LURAP1: variants seen among roughly 807,000 people sequenced by gnomAD.
The protein encoded by LURAP1 is leucine rich adaptor protein 1.
LURAP1 carries 14 observed loss-of-function variants against 19.0 expected under a neutral mutation model. The ratio of observed to expected loss-of-function variants is 0.74; its 90% confidence interval spans 0.49 to 1.15. The LOEUF is 1.15. Among genes scored for constraint, LURAP1 ranks in the 50% most tolerant of loss-of-function variants. LURAP1 has a pLI of 0.00. For synonymous variants in LURAP1, 129 were observed against 131.8 expected (o/e 0.98, Z 0.14); for missense variants, 273 against 309.1 (o/e 0.88, Z 0.87).
In LURAP1 at chr1:46,220,432, C is replaced by A; in HGVS notation, c.*212C>A. 1.8e-6 allele frequency: 1 copy of A among 555,020 alleles called. No individual in the cohort carries two copies. Among genetic ancestry groups the A allele is most frequent in the Non-Finnish European group, 3.1e-6 (1 of 319,168 alleles). The allele number at this position is 555,020 out of a possible 1,614,324, so 34.4% of individuals were successfully genotyped here. The stretch of plus-strand genomic sequence containing the variant: ...CCTAGAGCTAGCTTGCTCTTTCTTT[C>A]TTTCTTTCTTTTTTTGAGACAGGGT... On this transcript the variant is annotated 3_prime_UTR_variant, in exon 2 of 2. Coordinates refer to ENST00000371980, the MANE Select transcript of LURAP1 (RefSeq NM_001013615.3).
At chr1:46,209,567 T>G (rs1286235533) in intron 1 of LURAP1, among the ~76,000 whole-genome samples, 1 of 142,000 alleles carries the variant, frequency 7.0e-6, no homozygotes, top group African/African-American at 2.6e-5. Flanking sequence ...TTTTTTGAGA[T>G]GGAGTCTCGC....
At chr1:46,214,610 G>A (rs533039287) in intron 1 of LURAP1, among the ~76,000 whole-genome samples, 1 of 152,278 alleles carries the variant, frequency 6.6e-6, no homozygotes, top group South Asian at 2.1e-4. Context: ...GCTCATGCCT[G>A]TAATCCCAGC....
intron 1 of LURAP1, among the ~76,000 whole-genome samples, chr1:46,214,314 C>G: frequency 6.6e-6 from 1 of 150,604 alleles, no homozygotes; most frequent in East Asian, 2.0e-4. Context: ...CCACTGCACT[C>G]CAGCCTGGGT....
intron 1 of LURAP1, among the ~76,000 whole-genome samples, chr1:46,212,929 T>A (rs1255615010): frequency 1.3e-5 from 2 of 148,914 alleles, no homozygotes; most frequent in Non-Finnish European, 3.0e-5. Flanking sequence ...CTGGCAAAAA[T>A]TTTTTTTGTA....
rs1455418443 is a variant in LURAP1, at chr1:46,216,250, G to A, written c.199-3449G>A. Among the ~76,000 whole-genome samples, 3 of 152,032 alleles carry A rather than the reference G, an allele frequency of 2.0e-5. No homozygotes were observed. In the East Asian group the frequency reaches 5.8e-4, roughly 30 times the overall value. ...TTTAGTAGAGACGGGGTTTCACCGTGTTAGCCAGGATGGTCTCTATCTCCT... is the reference window on the plus strand; with the variant it reads ...TTTAGTAGAGACGGGGTTTCACCGTATTAGCCAGGATGGTCTCTATCTCCT... On this transcript the variant is annotated intron_variant, in intron 1 of 1. Coordinates refer to ENST00000371980, the MANE Select transcript of LURAP1 (RefSeq NM_001013615.3).
chr1:46,209,025 A>G (rs1658809620), intron 1 of LURAP1, among the ~76,000 whole-genome samples: 1 of 151,992 alleles, frequency 6.6e-6, no homozygotes, highest in Non-Finnish European at 1.5e-5. Flanking sequence ...GAAAAGCAAC[A>G]CTTTTTTATT....
chr1:46,219,955 C>A lies in LURAP1; in HGVS notation c.455C>A (p.Ala152Asp). ...VSIGSFLDTV[A>D]PSELDEQGPP... ...ATTGGCAGCTTCCTGGACACAGTGG[C>A]CCCCAGCGAGCTGGATGAACAGGGC... Residue 152 changes from alanine (A) to aspartate (D), a missense_variant, in exon 2 of 2, where the codon GCC (alanine) becomes GAC (aspartate). Coordinates refer to ENST00000371980, the MANE Select transcript of LURAP1 (RefSeq NM_001013615.3). The A allele has an allele frequency of 6.2e-7, 1 of 1,614,228 alleles. No individual in the cohort carries two copies. The highest frequency in any genetic ancestry group is 8.5e-7 in the Non-Finnish European group (1 of 1,180,034).
chr1:46,220,338 A>G lies in LURAP1; in HGVS notation c.*118A>G. On this transcript the variant is annotated 3_prime_UTR_variant, in exon 2 of 2. Transcript: ENST00000371980. ...AGAGGCTGCACTGAAATCAGTTACC[A>G]TGGAAACCTGGCTCATCATTTCTCT... 2 of 1,119,408 alleles carry G rather than the reference A, an allele frequency of 1.8e-6. No individual in the cohort carries two copies. The highest frequency in any genetic ancestry group is 2.5e-6 in the Non-Finnish European group (2 of 793,162). 69.3% of individuals were successfully genotyped at this position (1,119,408 alleles called of 1,614,324 possible).
intron 1 of LURAP1, among the ~76,000 whole-genome samples, chr1:46,209,549 CT>C (rs397745964): frequency 6.4e-4 from 82 of 127,540 alleles, no homozygotes; most frequent in African/African-American, 1.1e-3. Context: ...TTTTTTTTTT[CT>C]TTTTTTTTTT....
rs191755815 is a variant in LURAP1, at chr1:46,219,963, G to A, written c.463G>A (p.Glu155Lys). Residue 155 changes from glutamate (E) to lysine (K), a missense_variant, in exon 2 of 2, where the codon GAG becomes AAG. Coordinates refer to ENST00000371980, the MANE Select transcript of LURAP1 (RefSeq NM_001013615.3). The part of the protein sequence containing the change: ...GSFLDTVAPS[E>K]LDEQGPPGAP... ...CTTCCTGGACACAGTGGCCCCCAGC[G>A]AGCTGGATGAACAGGGCCCACCTGG... 39 of 1,614,252 alleles carry A rather than the reference G, an allele frequency of 2.4e-5. No individual in the cohort carries two copies. The highest frequency in any genetic ancestry group is 1.7e-4 in the Admixed American group (10 of 60,028).
At chr1:46,210,030 G>A (rs1658844383) in intron 1 of LURAP1, among the ~76,000 whole-genome samples, 2 of 152,120 alleles carry the variant, frequency 1.3e-5, no homozygotes, top group African/African-American at 4.8e-5. Context: ...CAAGTTAATA[G>A]TCTGTACAGT....
At chr1:46,207,314 C>T (rs1397917804) in intron 1 of LURAP1, among the ~76,000 whole-genome samples, 3 of 152,086 alleles carry the variant, frequency 2.0e-5, no homozygotes, top group Non-Finnish European at 4.4e-5. Context: ...GTCCTGACCT[C>T]AAGTGATCTT....
intron 1 of LURAP1, among the ~76,000 whole-genome samples, chr1:46,207,084 A>G (rs1476513020): frequency 6.9e-6 from 1 of 143,960 alleles, no homozygotes; most frequent in Non-Finnish European, 1.5e-5. Flanking sequence ...GAGTCCTTCT[A>G]TTTTTTTTTT....
intron 1 of LURAP1, among the ~76,000 whole-genome samples, chr1:46,206,906 A>G (rs931253770): frequency 1.3e-5 from 2 of 152,164 alleles, no homozygotes; most frequent in African/African-American, 4.8e-5. Context: ...GAACATTTCT[A>G]GTACAGGATG....
intron 1 of LURAP1, among the ~76,000 whole-genome samples, chr1:46,211,080 C>T (rs769959111): frequency 6.6e-6 from 1 of 151,960 alleles, no homozygotes; most frequent in Non-Finnish European, 1.5e-5. Context: ...GTGCCTGGTC[C>T]TTTGGGCCTT....
intron 1 of LURAP1, 108 bp from the exon 2 acceptor site, chr1:46,219,591 G>A (rs1365618229): frequency 7.3e-6 from 9 of 1,235,768 alleles, no homozygotes; most frequent in Admixed American, 4.6e-5. Context: ...AATTCCATCC[G>A]TCTTAAAGTG....
At chr1:46,212,207 T>C (rs1557685069) in intron 1 of LURAP1, among the ~76,000 whole-genome samples, 1 of 152,204 alleles carries the variant, frequency 6.6e-6, no homozygotes, top group Non-Finnish European at 1.5e-5. Context: ...CTGACCTGTA[T>C]ATGTAAATAC....
chr1:46,206,956 GTC>G (rs1316853906), intron 1 of LURAP1, among the ~76,000 whole-genome samples: 1 of 152,204 alleles, frequency 6.6e-6, no homozygotes, highest in Non-Finnish European at 1.5e-5. Context: ...TCCTGGAAGA[GTC>G]TTCACTGTAG....
intron 1 of LURAP1, among the ~76,000 whole-genome samples, chr1:46,213,801 G>T (rs1658977356): frequency 6.6e-6 from 1 of 151,794 alleles, no homozygotes; most frequent in Non-Finnish European, 1.5e-5. Flanking sequence ...GATACTGACA[G>T]CCTTGCTTAC....
Sources: gnomAD v4.1 joint callset for allele counts (sites outside exome capture counted in the v4.1 genomes callset) on GRCh38, gnomAD v4.1.1 for gene constraint, MANE v1.5 for transcripts, NCBI Gene and HGNC (gene_info 2026-07-23, HGNC 2026-07-21) for gene names.